The following LOC122394732 variants were observed in gnomAD, a reference collection of about 807,000 sequenced individuals.
chr9:87,956,865 CATATT>C, the LOC122394732 span: 1 of 164,280 alleles, frequency 6.1e-6, no homozygotes, highest in Non-Finnish European at 1.3e-5. Context: ...TCATGAAATA[CATATT>C]ATATTTGCCT....
At chr9:87,956,327 G>T in the LOC122394732 span, 1 of 398,618 alleles carries the variant, frequency 2.5e-6, no homozygotes, top group Non-Finnish European at 4.4e-6. Flanking sequence ...CCTGCGAAGG[G>T]CCTTCGTGAA....
the LOC122394732 span, chr9:87,956,581 C>G: frequency 5.0e-6 from 2 of 397,946 alleles, no homozygotes; most frequent in Non-Finnish European, 8.8e-6. Context: ...CCTTCTGTAT[C>G]TCTCTGTGAC....
chr9:87,956,551 G>C, the LOC122394732 span: 1 of 398,266 alleles, frequency 2.5e-6, no homozygotes, highest in African/African-American at 2.1e-5. Flanking sequence ...ATCCAATACA[G>C]ACAGAACACA....
At chr9:87,956,775 A>G in the LOC122394732 span, 4,400 of 273,650 alleles carry the variant, frequency 0.016, 97 homozygotes, top group East Asian at 0.085. Context: ...GGTAATATGC[A>G]GTGCACGTGT....
At chr9:87,956,480 C>G in the LOC122394732 span, 1 of 398,592 alleles carries the variant, frequency 2.5e-6, no homozygotes, top group Non-Finnish European at 4.4e-6. Flanking sequence ...TGGCTATTTT[C>G]CTCAAAAGCC....
the LOC122394732 span, chr9:87,956,634 GA>G: frequency 2.3e-5 from 9 of 394,448 alleles, no homozygotes; most frequent in East Asian, 1.4e-4. Context: ...AGCCAAAAAA[GA>G]AAAAAAAGGA....
At chr9:87,956,226 C>T in the LOC122394732 span, 2 of 398,408 alleles carry the variant, frequency 5.0e-6, no homozygotes, top group African/African-American at 4.1e-5. Flanking sequence ...CCTCACTGTC[C>T]TGTCTTGAAC....
the LOC122394732 span, chr9:87,956,236 C>T: frequency 1.8e-5 from 7 of 398,462 alleles, 1 homozygote; most frequent in Admixed American, 2.6e-4. Flanking sequence ...CTGTCTTGAA[C>T]ATCCTCCACC....
the LOC122394732 span, chr9:87,956,532 A>C: frequency 2.5e-6 from 1 of 398,490 alleles, no homozygotes; most frequent in African/African-American, 2.1e-5. Flanking sequence ...GGACGAGTTC[A>C]TCTGAAACAT....
chr9:87,956,600 GC>G, the LOC122394732 span: 4 of 397,564 alleles, frequency 1.0e-5, no homozygotes, highest in Admixed American at 8.8e-5. Context: ...ACCCAAGAAA[GC>G]AGTAGAAGTG....
chr9:87,956,531 C>A, the LOC122394732 span: 2 of 398,382 alleles, frequency 5.0e-6, no homozygotes, highest in South Asian at 1.3e-4. Flanking sequence ...GGGACGAGTT[C>A]ATCTGAAACA....
chr9:87,956,592 C>T, the LOC122394732 span: 1 of 397,598 alleles, frequency 2.5e-6, no homozygotes, highest in Non-Finnish European at 4.4e-6. Flanking sequence ...TCTCTGTGAC[C>T]CAAGAAAGCA....
the LOC122394732 span, chr9:87,956,706 A>C: frequency 2.7e-6 from 1 of 374,634 alleles, no homozygotes; most frequent in Non-Finnish European, 4.7e-6. Flanking sequence ...CTCCTACAAA[A>C]GAGAGAATAA....
chr9:87,956,240 C>T, the LOC122394732 span: 3 of 398,458 alleles, frequency 7.5e-6, no homozygotes, highest in African/African-American at 6.2e-5. Flanking sequence ...CTTGAACATC[C>T]TCCACCAAAG....
the LOC122394732 span, chr9:87,956,246 CA>C: frequency 2.5e-6 from 1 of 398,548 alleles, no homozygotes; most frequent in East Asian, 3.6e-5. Context: ...CATCCTCCAC[CA>C]AAGTGTGAAC....
chr9:87,956,560 C>T, the LOC122394732 span: 1 of 398,404 alleles, frequency 2.5e-6, no homozygotes, highest in Non-Finnish European at 4.4e-6. Context: ...AGACAGAACA[C>T]ACCTGGGTCT....
At chr9:87,956,432 G>T in the LOC122394732 span, 2 of 398,624 alleles carry the variant, frequency 5.0e-6, no homozygotes, top group African/African-American at 2.1e-5. Context: ...AGAAAAAGCA[G>T]CCCTGAAGAG....
chr9:87,956,390 G>A, the LOC122394732 span: 2 of 398,608 alleles, frequency 5.0e-6, no homozygotes, highest in Non-Finnish European at 8.8e-6. Context: ...CATCCAGAAG[G>A]CTTTAGACAT....
chr9:87,956,634 GAAAA>G, the LOC122394732 span: 4 of 394,474 alleles, frequency 1.0e-5, no homozygotes, highest in Non-Finnish European at 1.8e-5. Flanking sequence ...AGCCAAAAAA[GAAAA>G]AAAAGGACTA....
Sources: gnomAD v4.1 joint callset for allele counts on GRCh38, gnomAD v4.1.1 for gene constraint, MANE v1.5 for transcripts.